Variants in PIK3CB observed in about 807,000 individuals in gnomAD.
PIK3CB encodes the protein phosphatidylinositol 4,5-bisphosphate 3-kinase catalytic subunit beta isoform.
A neutral mutation model predicts 136.8 loss-of-function variants in PIK3CB; 39 were observed. That is an observed-to-expected ratio of 0.29 (90% CI 0.22 to 0.37). PIK3CB has a LOEUF of 0.37. Among genes scored for constraint, PIK3CB ranks in the 10% least tolerant of loss-of-function variants. The pLI, the probability that PIK3CB is intolerant of heterozygous loss-of-function variation, is 1.00. For missense variants in PIK3CB, 868 were observed against 1,275.4 expected, an observed-to-expected ratio of 0.68 and a Z score of 4.87; for synonymous variants, 428 against 436.6, an observed-to-expected ratio of 0.98 and a Z score of 0.25.
rs1212635134 is a variant in PIK3CB, at chr3:138,737,719, T to C, written c.789A>G (p.Leu263=). The part of the protein sequence containing the change: ...RVEYVFGDHP[L]IQFQYIRNCV... ...TTAATATACATACCTGGAACTGAAT[T>C]AGTGGATGATCACCAAAAACATATT... is the stretch of plus-strand genomic sequence containing the variant. The change falls in exon 6 of 24, where the codon CTA becomes CTG. Residue 263 remains leucine (L), a synonymous_variant. Transcript: ENST00000674063. The C allele has an allele frequency of 6.3e-7, 1 of 1,599,296 alleles. No homozygotes were observed. Among genetic ancestry groups the C allele is most frequent in the African/African-American group, 1.3e-5 (1 of 74,466 alleles).
chr3:138,706,810 C>A (rs1345583639), intron 11 of PIK3CB, among the ~76,000 whole-genome samples: 1 of 152,196 alleles, frequency 6.6e-6, no homozygotes, highest in Non-Finnish European at 1.5e-5. Context: ...GCATGTGCCA[C>A]CATGTCCAGC....
chr3:138,750,388 T>G (rs1292511858), intron 4 of PIK3CB, among the ~76,000 whole-genome samples: 1 of 152,182 alleles, frequency 6.6e-6, no homozygotes, highest in African/African-American at 2.4e-5. Context: ...GGGATGAAAC[T>G]GTTCCACCTC....
intron 21 of PIK3CB, among the ~76,000 whole-genome samples, chr3:138,662,221 C>A (rs2043310594): frequency 6.7e-6 from 1 of 149,040 alleles, no homozygotes; most frequent in South Asian, 2.2e-4. Context: ...TTAACTCGTC[C>A]TTTAGCATTA....
intron 4 of PIK3CB, 92 bp downstream of exon 4, chr3:138,755,662 C>T (rs1299393443): frequency 8.0e-6 from 5 of 626,338 alleles, no homozygotes; most frequent in East Asian, 2.8e-5. Flanking sequence ...ATGGACCACA[C>T]TTTGAAAAGC....
chr3:138,715,229 T>C (rs545504694), intron 8 of PIK3CB, among the ~76,000 whole-genome samples: 1 of 152,376 alleles, frequency 6.6e-6, no homozygotes, highest in East Asian at 1.9e-4. Flanking sequence ...ATTCCATCCA[T>C]ATCTTGATTA....
At chr3:138,782,983 A>G (rs1351092811) in intron 2 of PIK3CB, among the ~76,000 whole-genome samples, 2 of 152,156 alleles carry the variant, frequency 1.3e-5, no homozygotes, top group African/African-American at 4.8e-5. Flanking sequence ...GTCCAATATC[A>G]CTGTTTTCCT....
chr3:138,765,020 A>G lies in PIK3CB; in HGVS notation c.-16-5661T>C, dbSNP rs549261563. 7.2e-5 allele frequency among the ~76,000 whole-genome samples: 11 copies of G among 152,342 alleles called. No individual in the cohort carries two copies. The East Asian group carries it at 1.2e-3, about 16-fold the overall frequency. ...TGGTTAAATGAAGAAATGAGTAACAAATCCCACAGAATTTGTAAGAAGGAG... is the reference window on the plus strand; with the variant it reads ...TGGTTAAATGAAGAAATGAGTAACAGATCCCACAGAATTTGTAAGAAGGAG... On this transcript the variant is annotated intron_variant, in intron 2 of 23. Transcript: ENST00000674063.
intron 2 of PIK3CB, among the ~76,000 whole-genome samples, chr3:138,759,827 A>G (rs2045637143): frequency 6.6e-6 from 1 of 152,134 alleles, no homozygotes; most frequent in Admixed American, 6.5e-5. Context: ...TCTTAGGCTG[A>G]GTTTTTCTCT....
At chr3:138,814,581 C>T (rs1465638951) in intron 1 of PIK3CB, among the ~76,000 whole-genome samples, 1 of 152,060 alleles carries the variant, frequency 6.6e-6, no homozygotes, top group Non-Finnish European at 1.5e-5. Flanking sequence ...TATCTCTTCC[C>T]TTTACTTTTT....
chr3:138,824,265 C>G (rs1639294169), intron 1 of PIK3CB, among the ~76,000 whole-genome samples: 1 of 152,102 alleles, frequency 6.6e-6, no homozygotes, highest in Non-Finnish European at 1.5e-5. Flanking sequence ...TCAGCATTTG[C>G]CTGGTGGTCT....
At chr3:138,658,493 G>C (rs2043230280) in intron 21 of PIK3CB, among the ~76,000 whole-genome samples, 1 of 152,022 alleles carries the variant, frequency 6.6e-6, no homozygotes, top group Non-Finnish European at 1.5e-5. Context: ...TGCCCTACTA[G>C]CTCCCCACAT....
intron 19 of PIK3CB, among the ~76,000 whole-genome samples, chr3:138,679,328 TTATC>T (rs994907299): frequency 1.3e-5 from 2 of 152,080 alleles, no homozygotes; most frequent in Non-Finnish European, 2.9e-5. Context: ...ATTTATTTAT[TTATC>T]TATTTATTTA....
At chr3:138,793,017 A>C (rs1227124879) in intron 2 of PIK3CB, among the ~76,000 whole-genome samples, 1 of 152,206 alleles carries the variant, frequency 6.6e-6, no homozygotes, top group Non-Finnish European at 1.5e-5. Context: ...ATAGTTAATT[A>C]GTGGTGAGGT....
At chr3:138,765,618 G>T (rs2045722994) in intron 2 of PIK3CB, among the ~76,000 whole-genome samples, 1 of 151,218 alleles carries the variant, frequency 6.6e-6, no homozygotes, top group Non-Finnish European at 1.5e-5. Context: ...TGAGGTGGGG[G>T]GATCACTTGA....
intron 22 of PIK3CB, 43 bp from the exon 23 acceptor site, chr3:138,656,317 G>A (rs753159785): frequency 3.1e-6 from 5 of 1,601,408 alleles, no homozygotes; most frequent in Non-Finnish European, 4.3e-6. Flanking sequence ...GTGTTAGAGG[G>A]GAGAGAGCAC....
intron 2 of PIK3CB, among the ~76,000 whole-genome samples, chr3:138,767,680 C>G (rs1252543715): frequency 6.6e-6 from 1 of 152,202 alleles, no homozygotes; most frequent in Non-Finnish European, 1.5e-5. Context: ...GTCAGACTTG[C>G]CAGCTGCTGC....
intron 1 of PIK3CB, among the ~76,000 whole-genome samples, chr3:138,830,408 C>T (rs1393922035): frequency 6.6e-6 from 1 of 151,898 alleles, no homozygotes; most frequent in Non-Finnish European, 1.5e-5. Context: ...AAAAACTAGC[C>T]AGGCGTGGTA....
intron 11 of PIK3CB, 135 bp from the exon 12 acceptor site, chr3:138,704,628 A>G: frequency 1.5e-6 from 1 of 661,020 alleles, no homozygotes; most frequent in Non-Finnish European, 2.7e-6. Flanking sequence ...TGAATTTTAA[A>G]AGCAAAATGA....
chr3:138,707,633 C>T (rs938988514), intron 10 of PIK3CB: 3 of 796,388 alleles, frequency 3.8e-6, no homozygotes, highest in Non-Finnish European at 4.6e-6. Flanking sequence ...CTCATCACTA[C>T]ATATGGACTT....
Sources: allele counts gnomAD v4.1 joint callset (sites outside exome capture counted in the v4.1 genomes callset), GRCh38; gene constraint gnomAD v4.1.1; transcripts MANE v1.5; gene names NCBI Gene and HGNC (gene_info 2026-07-23, HGNC 2026-07-21).